ATAD2B: variants seen among roughly 807,000 people sequenced by gnomAD.
ATAD2B encodes ATPase family AAA domain containing 2B, also known as ATPase family AAA domain-containing protein 2B.
In ATAD2B, 40 loss-of-function variants were observed where a neutral mutation model predicts 167.6. The observed-to-expected ratio is 0.24, with a 90% CI of 0.19 to 0.31. The LOEUF is 0.31. Ranked by LOEUF, ATAD2B falls within the 10% of genes least tolerant of loss-of-function variation. The pLI is 1.00. For synonymous variants in ATAD2B, 579 were observed against 596.5 expected, an observed-to-expected ratio of 0.97 and a Z score of 0.43; for missense variants, 1,242 against 1,757.2, an observed-to-expected ratio of 0.71 and a Z score of 5.24.
chr2:23,752,124 G>A (rs1489718797), intron 27 of ATAD2B, 37 bp from the exon 28 acceptor site: 2 of 1,431,376 alleles, frequency 1.4e-6, no homozygotes, highest in Non-Finnish European at 1.9e-6. Context: ...ATCTATTAAG[G>A]GAAAGACAAA....
intron 19 of ATAD2B, among the ~76,000 whole-genome samples, chr2:23,793,278 G>C (rs1572775489): frequency 6.6e-6 from 1 of 152,026 alleles, no homozygotes; most frequent in East Asian, 1.9e-4. Flanking sequence ...CCAATATACT[G>C]AATTATATAA....
In ATAD2B at chr2:23,760,697, TATACACACACAC is replaced by T. The variant is rs1391216881; in HGVS notation, c.3394+1500_3394+1511del. ...AAAAAAAAATAAATAAATTTATATA[TATACACACACAC>T]ACACACACACACACACACACATATA... is the stretch of plus-strand genomic sequence containing the variant. On this transcript the variant is annotated intron_variant, in intron 24 of 27. Transcript: ENST00000238789. Among the ~76,000 whole-genome samples, 14 of 118,072 alleles carry T rather than the reference TATACACACACAC, an allele frequency of 1.2e-4. No individual in the cohort carries two copies. The South Asian group carries it at 2.0e-3, about 17-fold the overall frequency. The allele number at this position is 118,072 out of a possible 152,430, so 77.5% of individuals were successfully genotyped here. A position where few individuals can be genotyped will look rare whatever the true frequency, so the allele number is the denominator to read the frequency against.
chr2:23,867,366 C>G (rs528970228), intron 10 of ATAD2B, among the ~76,000 whole-genome samples: 2 of 152,296 alleles, frequency 1.3e-5, no homozygotes, highest in East Asian at 3.9e-4. Flanking sequence ...TTTCTGAATT[C>G]AATCCTCAAT....
chr2:23,770,408 G>A (rs894477358), intron 22 of ATAD2B, among the ~76,000 whole-genome samples: 1 of 152,098 alleles, frequency 6.6e-6, no homozygotes, highest in African/African-American at 2.4e-5. Context: ...TATCTTATTT[G>A]GTAAAGTGTC....
chr2:23,782,753 G>A, intron 22 of ATAD2B, 116 bp downstream of exon 22: 1 of 828,126 alleles, frequency 1.2e-6, no homozygotes, highest in Non-Finnish European at 1.8e-6. Flanking sequence ...GAGAAGTTTT[G>A]AAAAACAACA....
At position 23,762,330 on chromosome 2, in the gene ATAD2B, T is replaced by C. The variant is rs769041436; in HGVS notation, c.3273A>G (p.Ser1091=). 23 of 1,613,020 alleles carry C rather than the reference T, an allele frequency of 1.4e-5. No individual in the cohort carries two copies. In the East Asian group the frequency reaches 5.1e-4, roughly 36 times the overall value. The change falls in exon 24 of 28, where the codon TCA becomes TCG. Residue 1091 remains serine (S), a synonymous_variant. Transcript: ENST00000238789. ...ARIKRGLSVT[S]EQINPHSTGA... Reference sequence around the variant, plus strand: ...CAGTACTATGAGGATTTATTTGTTCTGATGTTACTGATAAGCCTGCAAGCA... The same window carrying C: ...CAGTACTATGAGGATTTATTTGTTCCGATGTTACTGATAAGCCTGCAAGCA...
At chr2:23,714,747 C>T in the ATAD2B span, among the ~76,000 whole-genome samples, 5 of 151,618 alleles carry the variant, frequency 3.3e-5, no homozygotes, top group Middle Eastern at 3.4e-3. Context: ...CCCAGCTACT[C>T]GGGAAGCTGA....
chr2:23,732,822 A>G, the ATAD2B span, among the ~76,000 whole-genome samples: 1 of 152,080 alleles, frequency 6.6e-6, no homozygotes, highest in African/African-American at 2.4e-5. Context: ...TTCAATCTCC[A>G]TCTTTCTATC....
At chr2:23,682,111 T>TC in the ATAD2B span, among the ~76,000 whole-genome samples, 1 of 151,376 alleles carries the variant, frequency 6.6e-6, no homozygotes, top group African/African-American at 2.4e-5. The surrounding 1 kb of genome is among the most constrained non-coding windows in gnomAD (Gnocchi z 4.1). Context: ...TCTCCATGCC[T>TC]CCCCCTCCCC....
intron 1 of ATAD2B, among the ~76,000 whole-genome samples, chr2:23,911,057 T>C (rs1030765278): frequency 1.3e-5 from 2 of 149,580 alleles, no homozygotes; most frequent in African/African-American, 5.0e-5. Context: ...AGAAACCCCA[T>C]CTCTACTAAA....
chr2:23,678,695 T>C, the ATAD2B span, among the ~76,000 whole-genome samples: 11 of 152,198 alleles, frequency 7.2e-5, no homozygotes, highest in African/African-American at 2.7e-4. Flanking sequence ...TTAAACAGTA[T>C]GTGGTATCTA....
chr2:23,924,035 T>C (rs1704341378), intron 1 of ATAD2B, among the ~76,000 whole-genome samples: 2 of 151,950 alleles, frequency 1.3e-5, no homozygotes, highest in African/African-American at 2.4e-5. Flanking sequence ...ACAAAAAAAT[T>C]AGCCGGGCGT....
chr2:23,779,214 C>T (rs1328275974), intron 22 of ATAD2B, among the ~76,000 whole-genome samples: 2 of 130,720 alleles, frequency 1.5e-5, no homozygotes, highest in Admixed American at 8.6e-5. Flanking sequence ...CTCGCTCTGT[C>T]TCCCAGGCTG....
rs188314055 is a variant in ATAD2B, at chr2:23,776,871, G to A, written c.3133+5998C>T. On this transcript the variant is annotated intron_variant, in intron 22 of 27. Transcript: ENST00000238789. ...CTAAAAATTGATGACTTTCTATATA[G>A]TAGGGATTGTGTTTCATATAACTGT... 1.1e-3 allele frequency among the ~76,000 whole-genome samples: 171 copies of A among 152,182 alleles called. 1 individual carries two copies. Among genetic ancestry groups the A allele is most frequent in the African/African-American group, 4.0e-3 (167 of 41,506 alleles).
At chr2:23,894,374 G>T (rs1055371848) in intron 2 of ATAD2B, among the ~76,000 whole-genome samples, 6 of 151,794 alleles carry the variant, frequency 4.0e-5, no homozygotes, top group Non-Finnish European at 4.4e-5. Flanking sequence ...CCAAATACTC[G>T]GGAGACTGAG....
At chr2:23,790,402 G>T (rs933141400) in intron 19 of ATAD2B, among the ~76,000 whole-genome samples, 1 of 152,074 alleles carries the variant, frequency 6.6e-6, no homozygotes, top group African/African-American at 2.4e-5. Context: ...TATCCTAGAC[G>T]TACCACGATT....
intron 13 of ATAD2B, among the ~76,000 whole-genome samples, chr2:23,854,813 T>C (rs1427986779): frequency 6.6e-6 from 1 of 152,194 alleles, no homozygotes; most frequent in Non-Finnish European, 1.5e-5. Flanking sequence ...ATCTATATGG[T>C]GGCTTTATCA....
At chr2:23,891,585 T>C (rs1699493796) in intron 2 of ATAD2B, among the ~76,000 whole-genome samples, 1 of 151,908 alleles carries the variant, frequency 6.6e-6, no homozygotes, top group Non-Finnish European at 1.5e-5. Context: ...AACCTCCGCC[T>C]CCTGGATTCA....
intron 13 of ATAD2B, among the ~76,000 whole-genome samples, chr2:23,844,318 AAC>A (rs1691395148): frequency 6.6e-6 from 1 of 152,262 alleles, no homozygotes; most frequent in African/African-American, 2.4e-5. Context: ...GAAAAAAAAA[AAC>A]ACACAACAAA....
Sources: allele counts gnomAD v4.1 joint callset (sites outside exome capture counted in the v4.1 genomes callset), GRCh38; gene constraint gnomAD v4.1.1; non-coding constraint Gnocchi (gnomAD v3.1); transcripts MANE v1.5; gene names NCBI Gene and HGNC (gene_info 2026-07-23, HGNC 2026-07-21).